The following MINDY2 variants were observed in gnomAD, a reference collection of about 807,000 sequenced individuals.
MINDY2 encodes ubiquitin carboxyl-terminal hydrolase MINDY-2.
In MINDY2, 52 loss-of-function variants were observed where a neutral mutation model predicts 68.2. The ratio of observed to expected loss-of-function variants is 0.76; its 90% CI spans 0.61 to 0.96. The LOEUF (loss-of-function observed/expected upper bound fraction) is 0.96. MINDY2 is among the 40% of genes least tolerant of loss of function. MINDY2 has a pLI of 0.00. For missense variants in MINDY2, 881 were observed against 773.4 expected (o/e 1.14, Z -1.65); for synonymous variants, 372 against 303.0 (o/e 1.23, Z -2.36).
chr15:58,793,091 G>A (rs1902048288), intron 2 of MINDY2, among the ~76,000 whole-genome samples: 1 of 152,186 alleles, frequency 6.6e-6, no homozygotes, highest in Admixed American at 6.5e-5. Context: ...GGGAAGAGAT[G>A]GGGTGAAATG....
At chr15:58,836,873 A>G (rs984168920) in intron 6 of MINDY2, among the ~76,000 whole-genome samples, 7 of 151,964 alleles carry the variant, frequency 4.6e-5, no homozygotes, top group African/African-American at 1.4e-4. Flanking sequence ...GCCCAACTCA[A>G]CCTCCCAGAG....
At chr15:58,795,695 C>T (rs1368578083) in intron 2 of MINDY2, among the ~76,000 whole-genome samples, 1 of 152,174 alleles carries the variant, frequency 6.6e-6, no homozygotes, top group South Asian at 2.1e-4. Flanking sequence ...TGAGCCACTG[C>T]GCCCAGCCTA....
intron 4 of MINDY2, 21 bp from the exon 5 acceptor site, chr15:58,821,696 A>T: frequency 6.9e-7 from 1 of 1,457,594 alleles, no homozygotes; most frequent in South Asian, 1.3e-5. Flanking sequence ...ATGATTAGTG[A>T]GACAGTCATT....
intron 6 of MINDY2, among the ~76,000 whole-genome samples, chr15:58,834,490 C>T (rs1173594375): frequency 3.3e-5 from 5 of 152,146 alleles, no homozygotes; most frequent in Admixed American, 3.3e-4. Flanking sequence ...ACTGCCAATC[C>T]TCAGAACCTA....
At chr15:58,775,338 A>T (rs1715066162) in intron 1 of MINDY2, among the ~76,000 whole-genome samples, 1 of 152,174 alleles carries the variant, frequency 6.6e-6, no homozygotes, top group African/African-American at 2.4e-5. Flanking sequence ...AGTTTGAGAA[A>T]TGCTTTAGTA....
rs1489367161 is a variant in MINDY2, at chr15:58,855,551, A to G, written c.*941A>G. On this transcript the variant is annotated 3_prime_UTR_variant, in exon 9 of 9. Transcript: ENST00000559228. Reference sequence around the variant, plus strand: ...CATTGCTAGAAAATTAAATGTACTTATTAAAACCAATGAAAAAGCACATTT... The same window carrying G: ...CATTGCTAGAAAATTAAATGTACTTGTTAAAACCAATGAAAAAGCACATTT... 24 of 152,692 alleles carry G rather than the reference A, an allele frequency of 1.6e-4. No individual in the cohort carries two copies. 9.5% of individuals were successfully genotyped at this position (152,692 alleles called of 1,614,324 possible). A position where few individuals can be genotyped will look rare whatever the true frequency, so the allele number is the denominator to read the frequency against.
intron 4 of MINDY2, 57 bp downstream of exon 4, chr15:58,810,445 G>T: frequency 2.1e-6 from 3 of 1,406,988 alleles, no homozygotes; most frequent in Non-Finnish European, 1.9e-6. Context: ...GTATTAATTT[G>T]GCAAATTAAT....
chr15:58,808,709 A>T (rs1567054364), intron 3 of MINDY2, among the ~76,000 whole-genome samples: 1 of 152,074 alleles, frequency 6.6e-6, no homozygotes, highest in African/African-American at 2.4e-5. Context: ...GGTTCATGCC[A>T]TTCTCCTGCC....
Position 58,771,610 on chromosome 15 carries a change from C to G in MINDY2, c.215C>G (p.Ser72Cys), listed in dbSNP as rs557342297. ...SLPDSASPAG[S>C]PEVPGPCSSS... ...CCGGACTCGGCTTCTCCCGCGGGCT[C>G]TCCTGAGGTTCCCGGACCCTGCAGC... is the stretch of plus-strand genomic sequence containing the variant. The change falls in exon 1 of 9, where the codon TCT becomes TGT. Residue 72 changes from serine (S) to cysteine (C), a missense_variant. Transcript: ENST00000559228. 12 of 1,612,076 alleles carry G rather than the reference C, an allele frequency of 7.4e-6. No individual in the cohort carries two copies. The African/African-American group carries it at 1.3e-4, about 18-fold the overall frequency.
At position 58,856,269 on chromosome 15, in the gene MINDY2, T is replaced by G. The variant is rs758728476; in HGVS notation, c.*1659T>G. Reference sequence around the variant, plus strand: ...AGCATCCACTTGGAGAGTGTTTTTTTTGTGTGTGGTCTGGGGTGACAAAAG... The same window carrying G: ...AGCATCCACTTGGAGAGTGTTTTTTGTGTGTGTGGTCTGGGGTGACAAAAG... On this transcript the variant is annotated 3_prime_UTR_variant, in exon 9 of 9. Coordinates refer to ENST00000559228, the MANE Select transcript of MINDY2 (RefSeq NM_001040450.3). 2.0e-5 allele frequency: 3 copies of G among 152,614 alleles called. No homozygotes were observed. The highest frequency in any genetic ancestry group is 4.1e-4 in the South Asian group (2 of 4,826). 9.5% of individuals were successfully genotyped at this position (152,614 alleles called of 1,614,324 possible).
chr15:58,821,745 A>G lies in MINDY2; in HGVS notation c.1151A>G (p.Asn384Ser), dbSNP rs768493940. 6.3e-7 allele frequency: 1 copy of G among 1,586,248 alleles called. No homozygotes were observed. The highest frequency in any genetic ancestry group is 8.5e-7 in the Non-Finnish European group (1 of 1,170,678). ...QIDDIVKAVG[N>S]CSYNQLVEKI... Reference sequence around the variant, plus strand: ...GATGACATTGTAAAAGCTGTTGGTAACTGCAGCTACAACCAACTAGTGGAG... The same window carrying G: ...GATGACATTGTAAAAGCTGTTGGTAGCTGCAGCTACAACCAACTAGTGGAG... The change falls in exon 5 of 9, where the codon AAC (asparagine) becomes AGC (serine). Residue 384 changes from asparagine (N) to serine (S), a missense_variant. Asn to Ser is a conservative substitution (Grantham distance 46). Transcript: ENST00000559228.
intron 1 of MINDY2, among the ~76,000 whole-genome samples, chr15:58,785,135 CAA>C (rs397719705): frequency 0.011 from 741 of 68,454 alleles, 2 homozygotes; most frequent in African/African-American, 0.036. Flanking sequence ...TGAAGGAAAG[CAA>C]AAAAAAAAAA....
intron 1 of MINDY2, among the ~76,000 whole-genome samples, chr15:58,780,842 T>C (rs1237895821): frequency 1.3e-5 from 2 of 152,218 alleles, no homozygotes; most frequent in Non-Finnish European, 2.9e-5. Flanking sequence ...CTACTGCTAC[T>C]ACCCTAGTTC....
chr15:58,847,025 C>T (rs952261345), intron 6 of MINDY2, among the ~76,000 whole-genome samples: 1 of 152,084 alleles, frequency 6.6e-6, no homozygotes, highest in Admixed American at 6.6e-5. Flanking sequence ...TAAACCCCCC[C>T]AAAGGTGTTT....
chr15:58,819,549 T>C (rs2030926696), intron 4 of MINDY2, among the ~76,000 whole-genome samples: 1 of 152,300 alleles, frequency 6.6e-6, no homozygotes, highest in Middle Eastern at 3.4e-3. Context: ...AGTTTTGCTG[T>C]GTTACTCAGA....
At chr15:58,796,184 G>C (rs1190718050) in intron 2 of MINDY2, 6 of 454,606 alleles carry the variant, frequency 1.3e-5, no homozygotes, top group Middle Eastern at 3.2e-4. Context: ...GTAGGAAAAG[G>C]CTTAATGGAG....
At chr15:58,846,524 C>T (rs554915046) in intron 6 of MINDY2, among the ~76,000 whole-genome samples, 13 of 145,054 alleles carry the variant, frequency 9.0e-5, no homozygotes, top group African/African-American at 3.1e-4. Context: ...ACCCAGGAGG[C>T]GGAGGTTGCA....
chr15:58,820,388 G>A (rs575192263), intron 4 of MINDY2, among the ~76,000 whole-genome samples: 1 of 151,076 alleles, frequency 6.6e-6, no homozygotes, highest in East Asian at 1.9e-4. Flanking sequence ...AGGTTGCAGT[G>A]AGCCGAGGTC....
chr15:58,841,697 G>A (rs925282252), intron 6 of MINDY2, among the ~76,000 whole-genome samples: 3 of 152,162 alleles, frequency 2.0e-5, no homozygotes, highest in African/African-American at 4.8e-5. Flanking sequence ...GAGCCACCGC[G>A]CCCGGCTGAT....
Sources: allele counts gnomAD v4.1 joint callset (sites outside exome capture counted in the v4.1 genomes callset), GRCh38; gene constraint gnomAD v4.1.1; transcripts MANE v1.5; gene names NCBI Gene and HGNC (gene_info 2026-07-23, HGNC 2026-07-21).